NMRK2: variants seen among roughly 807,000 people sequenced by gnomAD.
NMRK2 encodes the protein NRK 2.
In NMRK2, 34 loss-of-function variants were observed where a neutral mutation model predicts 24.7. That is an observed-to-expected ratio of 1.37 (90% CI 1.05 to 1.83). The LOEUF is 1.83. NMRK2 is among the 40% of genes most tolerant of loss of function. NMRK2 has a pLI of 0.00. For missense variants in NMRK2, 341 were observed against 315.0 expected, an observed-to-expected ratio of 1.08 and a Z score of -0.62; for synonymous variants, 145 against 125.6, an observed-to-expected ratio of 1.15 and a Z score of -1.03.
At chr19:3,939,342 G>A (rs192055360) in intron 5 of NMRK2, among the ~76,000 whole-genome samples, 19 of 150,878 alleles carry the variant, frequency 1.3e-4, no homozygotes, top group Admixed American at 1.2e-3. Context: ...GCGAAACCCT[G>A]TCTCTACTAA....
chr19:3,936,662 C>T lies in NMRK2; in HGVS notation c.114C>T (p.Phe38=), dbSNP rs1368697964. Residue 38 remains phenylalanine, a synonymous_variant, in exon 3 of 8, where the codon TTC becomes TTT. Transcript: ENST00000168977. ...GCGTGATCCATCAGGATGACTTCTT[C>T]AAGGTGCCCGCCCTTGCCCGGGGAG... ...NCCVIHQDDF[F]KPQDQIAVGE... 6.4e-7 allele frequency: 1 copy of T among 1,563,180 alleles called. No individual in the cohort carries two copies. The highest frequency in any genetic ancestry group is 1.9e-5 in the Admixed American group (1 of 52,710).
At chr19:3,936,460 C>T (rs1019359652) in intron 2 of NMRK2, 115 bp from the exon 3 acceptor site, 30 of 616,260 alleles carry the variant, frequency 4.9e-5, no homozygotes, top group African/African-American at 1.9e-5. Flanking sequence ...TGCAGGAAGA[C>T]CCTGAGACAT....
In NMRK2 at chr19:3,937,239, G is replaced by T; in HGVS notation, c.118-1G>T. ...CCGAGGTTCAGGCTCCTCTGTTTCA[G>T]CCCCAAGACCAAATAGCAGTTGGGG... On this transcript the variant is annotated splice_acceptor_variant, in intron 3 of 7. Transcript: ENST00000168977. LOFTEE classifies it high-confidence loss of function. The T allele has an allele frequency of 6.2e-7, 1 of 1,613,210 alleles. No individual in the cohort carries two copies. Among genetic ancestry groups the T allele is most frequent in the Admixed American group, 1.7e-5 (1 of 59,896 alleles).
rs145427918 is a variant in NMRK2, at chr19:3,935,206, C to T, written c.27-1369C>T. On this transcript the variant is annotated intron_variant, in intron 2 of 7. Transcript: ENST00000168977. ...GAGCAACATTAGGCATTTTTCTAAC[C>T]TGCCTCTTCTGGATATGATATAGGT... is the stretch of plus-strand genomic sequence containing the variant. 4.6e-3 allele frequency among the ~76,000 whole-genome samples: 695 copies of T among 151,412 alleles called. 4 individuals carry two copies. Among genetic ancestry groups the T allele is most frequent in the African/African-American group, 0.016 (669 of 41,264 alleles).
intron 3 of NMRK2, 21 bp from the exon 4 acceptor site, chr19:3,937,219 G>C: frequency 6.2e-7 from 1 of 1,612,622 alleles, no homozygotes; most frequent in African/African-American, 1.3e-5. Context: ...TGAGCCCGAG[G>C]TTCAGGCTCC....
At position 3,940,046 on chromosome 19, in the gene NMRK2, C is replaced by T; in HGVS notation, c.395+75C>T. 3.0e-6 allele frequency: 4 copies of T among 1,349,102 alleles called. No homozygotes were observed. The South Asian group carries it at 3.6e-5, about 12-fold the overall frequency. 83.6% of individuals were successfully genotyped at this position (1,349,102 alleles called of 1,614,324 possible). A position where few individuals can be genotyped will look rare whatever the true frequency, so the allele number is the denominator to read the frequency against. On this transcript the variant is annotated intron_variant, in intron 6 of 7. Transcript: ENST00000168977. The stretch of plus-strand genomic sequence containing the variant: ...AATTACTGGGTGGAACCAGCGGTAA[C>T]CTAGAAAATGCCACTGGGGGCTGGG...
At chr19:3,935,940 C>A (rs760844938) in intron 2 of NMRK2, among the ~76,000 whole-genome samples, 1 of 151,626 alleles carries the variant, frequency 6.6e-6, no homozygotes, top group Admixed American at 6.6e-5. Flanking sequence ...ATAGGTGGGC[C>A]GGGCTCACAC....
intron 6 of NMRK2, among the ~76,000 whole-genome samples, 195 bp from the exon 7 acceptor site, chr19:3,940,876 T>A (rs563796306): frequency 4.6e-5 from 7 of 152,160 alleles, no homozygotes; most frequent in African/African-American, 1.7e-4. Context: ...ACCCCAACCC[T>A]GTCCAGGGCA....
At chr19:3,933,754 A>G in intron 2 of NMRK2, 57 bp downstream of exon 2, 1 of 1,367,130 alleles carries the variant, frequency 7.3e-7, no homozygotes, top group Non-Finnish European at 9.4e-7. Flanking sequence ...CTGTGCGCGC[A>G]GAGGGGGAGG....
chr19:3,942,025 C>A, intron 7 of NMRK2, 58 bp from the exon 8 acceptor site: 2 of 1,433,308 alleles, frequency 1.4e-6, no homozygotes, highest in South Asian at 1.2e-5. Context: ...TCCACTCGTC[C>A]CCCCGTGCTC....
chr19:3,942,192 C>T lies in NMRK2; in HGVS notation c.612C>T (p.Arg204=). Residue 204 remains arginine, a synonymous_variant, in exon 8 of 8, where the codon CGC becomes CGT. Transcript: ENST00000168977. ...RSQESAPSPA[R]PARTQGPGRG... is the part of the protein sequence containing the mutation. ...AGGAATCAGCCCCCTCCCCGGCTCG[C>T]CCAGCCAGGACACAGGGACCCGGAC... 6.2e-7 allele frequency: 1 copy of T among 1,613,196 alleles called. No individual in the cohort carries two copies. Among genetic ancestry groups the T allele is most frequent in the Non-Finnish European group, 8.5e-7 (1 of 1,180,000 alleles).
rs1599160866 is a variant in NMRK2 at position 3,937,258 on chromosome 19, G to T, written c.136G>T (p.Val46Phe). Residue 46 changes from valine to phenylalanine, a missense_variant, in exon 4 of 8, where the codon GTT becomes TTT. Physicochemically the swap from Val to Phe is conservative, Grantham distance 50. Transcript: ENST00000168977. The part of the protein sequence containing the change: ...DFFKPQDQIA[V>F]GEDGFKQWDV... ...GTTTCAGCCCCAAGACCAAATAGCA[G>T]TTGGGGAAGACGGCTTCAAACAGTG... 3 of 1,613,322 alleles carry T rather than the reference G, an allele frequency of 1.9e-6. No individual in the cohort carries two copies. The highest frequency in any genetic ancestry group is 2.5e-6 in the Non-Finnish European group (3 of 1,179,562).
Position 3,941,093 on chromosome 19 carries a change from G to C in NMRK2, c.418G>C (p.Asp140His). 1 of 1,612,564 alleles carries C rather than the reference G, an allele frequency of 6.2e-7. No homozygotes were observed. The highest frequency in any genetic ancestry group is 8.5e-7 in the Non-Finnish European group (1 of 1,178,984). Residue 140 changes from aspartate to histidine, a missense_variant, in exon 7 of 8, where the codon GAT becomes CAT. Coordinates refer to ENST00000168977, the MANE Select transcript of NMRK2 (RefSeq NM_170678.3). ...RRSTRNYTVP[D>H]PPGLFDGHVW... Reference sequence around the variant, plus strand: ...CAGTACCCGCAACTACACAGTCCCTGATCCCCCCGGCCTCTTCGATGGCCA... The same window carrying C: ...CAGTACCCGCAACTACACAGTCCCTCATCCCCCCGGCCTCTTCGATGGCCA...
chr19:3,938,819 CTTG>C (rs2039267709), intron 5 of NMRK2, 60 bp downstream of exon 5: 109 of 330,096 alleles, frequency 3.3e-4, no homozygotes, highest in Non-Finnish European at 4.5e-4. Flanking sequence ...ATAGCCATCT[CTTG>C]TTTTTTTTTT....
rs958972797 is a variant in NMRK2 at position 3,933,512 on chromosome 19, C to T, written c.-160C>T. 21 of 721,390 alleles carry T rather than the reference C, an allele frequency of 2.9e-5. No individual in the cohort carries two copies. The highest frequency in any genetic ancestry group is 4.0e-5 in the Non-Finnish European group (19 of 470,080). The allele number at this position is 721,390 out of a possible 1,614,324, so 44.7% of individuals were successfully genotyped here. On this transcript the variant is annotated 5_prime_UTR_variant, in exon 2 of 8. Coordinates refer to ENST00000168977, the MANE Select transcript of NMRK2 (RefSeq NM_170678.3). ...ACAGGTGCCGGCGCCTCCGCCCCAT[C>T]CCCAGGGGCCGCCTCCCCCGGGGCG... is the stretch of plus-strand genomic sequence containing the variant.
Position 3,933,551 on chromosome 19 carries a change from C to G in NMRK2, c.-121C>G. On this transcript the variant is annotated 5_prime_UTR_variant, in exon 2 of 8. Coordinates refer to ENST00000168977, the MANE Select transcript of NMRK2 (RefSeq NM_170678.3). ...TCCCCCGGGGCGGCCTCCAGGCTGC[C>G]GAGACCTATAAAGGCGCCAGGTTTT... 7 of 1,248,742 alleles carry G rather than the reference C, an allele frequency of 5.6e-6. No homozygotes were observed. The highest frequency in any genetic ancestry group is 2.9e-5 in the South Asian group (2 of 70,042). The allele number at this position is 1,248,742 out of a possible 1,614,324, so 77.4% of individuals were successfully genotyped here.
At position 3,942,149 on chromosome 19, in the gene NMRK2, C is replaced by A. The variant is rs141476437; in HGVS notation, c.569C>A (p.Ser190Ter). 29 of 1,613,202 alleles carry A rather than the reference C, an allele frequency of 1.8e-5. No individual in the cohort carries two copies. Among genetic ancestry groups the A allele is most frequent in the Middle Eastern group, 1.6e-4 (1 of 6,084 alleles). ...FREVLEDIQN[S>*]LLNRSQESAP... Reference sequence around the variant, plus strand: ...GAAGTCCTGGAAGACATTCAGAACTCGCTGCTGAACCGCTCCCAGGAATCA... The same window carrying A: ...GAAGTCCTGGAAGACATTCAGAACTAGCTGCTGAACCGCTCCCAGGAATCA... Residue 190 changes from serine to a stop codon, truncating the protein, a stop_gained, in exon 8 of 8, where the codon TCG becomes TAG. Coordinates refer to ENST00000168977, the MANE Select transcript of NMRK2 (RefSeq NM_170678.3). LOFTEE classifies it low-confidence loss of function (END_TRUNC).
At chr19:3,934,988 CTTTCTT>C (rs1402689930) in intron 2 of NMRK2, among the ~76,000 whole-genome samples, 1 of 152,136 alleles carries the variant, frequency 6.6e-6, no homozygotes, top group African/African-American at 2.4e-5. Flanking sequence ...ATGTCAGGCA[CTTTCTT>C]TTTATTTTTA....
At position 3,933,642 on chromosome 19, in the gene NMRK2, AAGT is replaced by A; in HGVS notation, c.-29_-27del. ...TCGCACCCTACCCGGGCTGCCTTGG[AAGT>A]CGTCCCCGCCGCCCCTCCGCACCGG... On this transcript the variant is annotated 5_prime_UTR_variant, in exon 2 of 8. Transcript: ENST00000168977. 6.6e-7 allele frequency: 1 copy of A among 1,518,436 alleles called. No homozygotes were observed. The highest frequency in any genetic ancestry group is 8.8e-7 in the Non-Finnish European group (1 of 1,134,682). The allele number at this position is 1,518,436 out of a possible 1,614,324, so 94.1% of individuals were successfully genotyped here.
Sources: gnomAD v4.1 joint callset for allele counts (sites outside exome capture counted in the v4.1 genomes callset) on GRCh38, gnomAD v4.1.1 for gene constraint, MANE v1.5 for transcripts, NCBI Gene and HGNC (gene_info 2026-07-23, HGNC 2026-07-21) for gene names.